ETFA: variants seen among roughly 807,000 people sequenced by gnomAD.
ETFA encodes electron transfer flavoprotein subunit alpha, mitochondrial.
A neutral mutation model predicts 46.2 loss-of-function variants in ETFA; 22 were observed. That is an observed-to-expected ratio of 0.48 (90% CI 0.34 to 0.68). ETFA has a LOEUF of 0.68. Ranked by LOEUF, ETFA falls within the 30% of genes least tolerant of loss-of-function variation. The pLI is 0.01. For synonymous variants in ETFA, 131 were observed against 139.9 expected (o/e 0.94, Z 0.45); for missense variants, 345 against 401.1 (o/e 0.86, Z 1.19).
At chr15:76,268,229 A>G (rs1019465948) in intron 9 of ETFA, among the ~76,000 whole-genome samples, 6 of 149,270 alleles carry the variant, frequency 4.0e-5, no homozygotes. Context: ...GTTTCAGTAG[A>G]TTTACTAATG....
At position 76,307,079 on chromosome 15, in the gene ETFA, T is replaced by C. The variant is rs551379392; in HGVS notation, c.39+4271A>G. On this transcript the variant is annotated intron_variant, in intron 1 of 11. Coordinates refer to ENST00000557943, the MANE Select transcript of ETFA (RefSeq NM_000126.4). ...ATAGATATTCCTTCCCACCTGACAA[T>C]AAACACAGTAAAAAGAGTACTCAAA... 5.9e-5 allele frequency among the ~76,000 whole-genome samples: 9 copies of C among 152,288 alleles called. No individual in the cohort carries two copies. The South Asian group carries it at 1.9e-3, about 32-fold the overall frequency.
intron 1 of ETFA, among the ~76,000 whole-genome samples, chr15:76,300,510 T>C (rs2039869121): frequency 6.6e-6 from 1 of 152,168 alleles, no homozygotes; most frequent in Non-Finnish European, 1.5e-5. Context: ...TCAATGCCAA[T>C]ATCCTAGTGC....
intron 9 of ETFA, among the ~76,000 whole-genome samples, chr15:76,241,673 C>T (rs2039191185): frequency 6.7e-6 from 1 of 148,944 alleles, no homozygotes; most frequent in African/African-American, 2.5e-5. Context: ...GGGGGGCGGG[C>T]CCCTGTAAGT....
At chr15:76,218,370 C>T (rs979361379) in intron 11 of ETFA, among the ~76,000 whole-genome samples, 14 of 152,214 alleles carry the variant, frequency 9.2e-5, no homozygotes, top group African/African-American at 3.4e-4. Context: ...CAGGTTCAAG[C>T]AATTCTCCTG....
intron 9 of ETFA, among the ~76,000 whole-genome samples, chr15:76,244,116 C>T (rs1015504236): frequency 2.2e-4 from 33 of 152,066 alleles, no homozygotes; most frequent in Admixed American, 9.8e-4. Context: ...AACTGCCAAC[C>T]TCGGGTGATT....
At chr15:76,249,248 C>T (rs2039272713) in intron 9 of ETFA, among the ~76,000 whole-genome samples, 1 of 151,318 alleles carries the variant, frequency 6.6e-6, no homozygotes, top group Non-Finnish European at 1.5e-5. Flanking sequence ...CCTGCCTTAG[C>T]CTCCCAAGTA....
At chr15:76,259,594 G>C in intron 9 of ETFA, 1 of 1,046,204 alleles carries the variant, frequency 9.6e-7, no homozygotes, top group Admixed American at 1.7e-5. Flanking sequence ...ACAGTATACA[G>C]GTTGTCAGCC....
intron 9 of ETFA, among the ~76,000 whole-genome samples, chr15:76,271,269 T>C (rs989181536): frequency 2.0e-5 from 3 of 152,122 alleles, no homozygotes; most frequent in Admixed American, 2.0e-4. Flanking sequence ...AAAAGTAACT[T>C]TACAGTGGAG....
At chr15:76,238,778 T>C (rs2039153177) in intron 9 of ETFA, among the ~76,000 whole-genome samples, 1 of 152,298 alleles carries the variant, frequency 6.6e-6, no homozygotes, top group South Asian at 2.1e-4. Context: ...CCAAACTATT[T>C]CCTTTGTTTG....
chr15:76,265,729 G>A (rs1319441781), intron 9 of ETFA, among the ~76,000 whole-genome samples: 1 of 152,108 alleles, frequency 6.6e-6, no homozygotes, highest in Non-Finnish European at 1.5e-5. Flanking sequence ...TGCAACAATG[G>A]GGTGCTGAAA....
At chr15:76,274,872 G>GT (rs1279900401) in intron 8 of ETFA, among the ~76,000 whole-genome samples, 1 of 152,174 alleles carries the variant, frequency 6.6e-6, no homozygotes, top group Non-Finnish European at 1.5e-5. Context: ...GGTTTAACCA[G>GT]TATTTGCTAT....
chr15:76,293,187 CTAATG>C, intron 2 of ETFA, among the ~76,000 whole-genome samples: 1 of 152,278 alleles, frequency 6.6e-6, no homozygotes. Flanking sequence ...CAAAGAAAAT[CTAATG>C]CCAATAGATC....
chr15:76,304,267 C>T (rs1270599589), intron 1 of ETFA, among the ~76,000 whole-genome samples: 1 of 152,048 alleles, frequency 6.6e-6, no homozygotes, highest in African/African-American at 2.4e-5. Flanking sequence ...AAGAAGGGAA[C>T]AATAGATACC....
At chr15:76,244,167 G>A (rs977988138) in intron 9 of ETFA, among the ~76,000 whole-genome samples, 1 of 152,214 alleles carries the variant, frequency 6.6e-6, no homozygotes, top group African/African-American at 2.4e-5. Context: ...TTACAGGCGT[G>A]AGCCACCACA....
At chr15:76,254,701 CCA>C (rs2039332456) in intron 9 of ETFA, among the ~76,000 whole-genome samples, 12 of 152,136 alleles carry the variant, frequency 7.9e-5, no homozygotes, top group Admixed American at 2.0e-4. Context: ...TTTAAAGAAA[CCA>C]TCACTCTGAT....
chr15:76,306,267 C>CTTT (rs35290919), intron 1 of ETFA, among the ~76,000 whole-genome samples: 2 of 109,488 alleles, frequency 1.8e-5, no homozygotes, highest in African/African-American at 3.4e-5. Context: ...TTTTTTGCTT[C>CTTT]TTTTTTTTTT....
At position 76,286,439 on chromosome 15, in the gene ETFA, A is replaced by G. The variant is rs749455172; in HGVS notation, c.494T>C (p.Val165Ala). ...CTVKCDEKVK[V>A]FSVRGTSFDA... ...AAAGGATGTTCCACGGACAGAAAACACTTTCACTTTCTCATCACACTTCAC... is the reference window on the plus strand; with the variant it reads ...AAAGGATGTTCCACGGACAGAAAACGCTTTCACTTTCTCATCACACTTCAC... The change falls in exon 6 of 12, where the codon GTG becomes GCG. Residue 165 changes from valine to alanine, a missense_variant. By Grantham distance (64) the Val-to-Ala change is moderately conservative (BLOSUM62 0). Coordinates refer to ENST00000557943, the MANE Select transcript of ETFA (RefSeq NM_000126.4). 11 of 1,613,650 alleles carry G rather than the reference A, an allele frequency of 6.8e-6. No individual in the cohort carries two copies. The East Asian group carries it at 8.9e-5, about 13-fold the overall frequency.
chr15:76,260,043 A>G (rs763810512), intron 9 of ETFA: 295,535 of 1,415,100 alleles, frequency 0.21, 1,728 homozygotes, highest in Non-Finnish European at 0.24. Flanking sequence ...AGGCAATGAG[A>G]TCAGCTTTCA....
At chr15:76,234,624 A>G in intron 9 of ETFA, among the ~76,000 whole-genome samples, 1 of 152,148 alleles carries the variant, frequency 6.6e-6, no homozygotes, top group African/African-American at 2.4e-5. Context: ...GGAGAGTCCT[A>G]GAGATAGGCC....
Sources: allele counts gnomAD v4.1 joint callset (sites outside exome capture counted in the v4.1 genomes callset), GRCh38; gene constraint gnomAD v4.1.1; transcripts MANE v1.5; gene names NCBI Gene and HGNC (gene_info 2026-07-23, HGNC 2026-07-21).